COL4A6: variants seen among roughly 807,000 people sequenced by gnomAD.
COL4A6 encodes collagen type IV alpha 6 chain, also known as collagen alpha-6(IV) chain.
Under a neutral mutation model 126.7 loss-of-function variants are expected in COL4A6, and 59 were observed. That is an observed-to-expected ratio of 0.47 (90% CI 0.38 to 0.58). The LOEUF (loss-of-function observed/expected upper bound fraction) is 0.58. Among genes scored for constraint, COL4A6 ranks in the 20% least tolerant of loss-of-function variants. COL4A6 has a pLI of 0.00. For synonymous variants in COL4A6, 547 were observed against 496.6 expected (o/e 1.10, Z -1.35); for missense variants, 1,285 against 1,337.3 (o/e 0.96, Z 0.61).
chrX:108,206,776 ACAATAAGAAGTAG>A (rs1430184171), intron 8 of COL4A6, 196 bp from the exon 9 acceptor site: 2 of 529,597 alleles, frequency 3.8e-6, no homozygotes, highest in Non-Finnish European at 3.4e-6. Context: ...ATAAATGCCT[ACAATAAGAAGTAG>A]CAAACTACTG....
At chrX:108,224,388 A>T (rs780038251) in intron 3 of COL4A6, among the ~76,000 whole-genome samples, 1 of 112,240 alleles carries the variant, frequency 8.9e-6, no homozygotes, top group Non-Finnish European at 1.9e-5. Flanking sequence ...CCCTAGAGGA[A>T]CATGCACTTC....
rs142907132 is a variant in COL4A6 at position 108,176,761 on chromosome X, C to G, written c.2686+80G>C. The stretch of plus-strand genomic sequence containing the variant: ...TCCCTCCCCATTTCCCATTCCTAGG[C>G]AGAGAGGAAGGAGCAAGCTGCGCAG... On this transcript the variant is annotated intron_variant, in intron 28 of 44. Transcript: ENST00000334504. 9.2e-4 allele frequency: 940 copies of G among 1,023,952 alleles called. 4 individuals carry two copies. In the African/African-American group the frequency reaches 0.016, roughly 17 times the overall value. The allele number at this position is 1,023,952 out of a possible 1,213,427, so 84.4% of individuals were successfully genotyped here. A position where few individuals can be genotyped will look rare whatever the true frequency, so the allele number is the denominator to read the frequency against.
chrX:108,433,881 T>C (rs2064216310), intron 2 of COL4A6, among the ~76,000 whole-genome samples: 1 of 112,054 alleles, frequency 8.9e-6, no homozygotes, highest in African/African-American at 3.2e-5. Flanking sequence ...TCCCAGCTAC[T>C]CAGGAGGCTG....
In COL4A6 at chrX:108,174,516, A is replaced by G; in HGVS notation, c.3062T>C (p.Phe1021Ser). 4 of 1,210,726 alleles carry G rather than the reference A, an allele frequency of 3.3e-6. No individual in the cohort carries two copies. The highest frequency in any genetic ancestry group is 4.5e-6 in the Non-Finnish European group (4 of 894,908). The change falls in exon 31 of 45, where the codon TTC (phenylalanine) becomes TCC (serine). Residue 1021 changes from phenylalanine to serine, a missense_variant. Transcript: ENST00000334504. The part of the protein sequence containing the change: ...GVSGKPGPPG[F>S]MGIRGLPGLK... ...GCCAGGTAAGCCCCGGATTCCCATGAAGCCAGGGGGCCCTGGCTTTCCACT... is the reference window on the plus strand; with the variant it reads ...GCCAGGTAAGCCCCGGATTCCCATGGAGCCAGGGGGCCCTGGCTTTCCACT...
chrX:108,215,622 C>T (rs768536353), intron 5 of COL4A6, among the ~76,000 whole-genome samples: 10 of 111,113 alleles, frequency 9.0e-5, no homozygotes, highest in African/African-American at 1.3e-4. Context: ...CAAAGCAGGA[C>T]GAGAAAGACA....
At chrX:108,377,393 T>C (rs1368739187) in intron 2 of COL4A6, among the ~76,000 whole-genome samples, 3 of 109,909 alleles carry the variant, frequency 2.7e-5, no homozygotes, top group Non-Finnish European at 5.7e-5. Context: ...CTCTTTCTTT[T>C]TTTTTTTTAT....
intron 3 of COL4A6, chrX:108,269,142 T>C: frequency 3.0e-6 from 1 of 336,380 alleles, no homozygotes; most frequent in Non-Finnish European, 5.8e-6. Context: ...ATTCAGTAGC[T>C]GCAAGTTGTG....
intron 3 of COL4A6, among the ~76,000 whole-genome samples, chrX:108,302,322 T>C (rs1466526042): frequency 1.8e-5 from 2 of 111,700 alleles, no homozygotes; most frequent in Non-Finnish European, 3.8e-5. Context: ...TAAGGCACAA[T>C]TATATACTTA....
chrX:108,410,881 T>G (rs930518277), intron 2 of COL4A6, among the ~76,000 whole-genome samples: 9 of 111,893 alleles, frequency 8.0e-5, no homozygotes, highest in Non-Finnish European at 7.5e-5. Flanking sequence ...ATGAGTTATA[T>G]TTTTCAAAGC....
chrX:108,170,884 A>G lies in COL4A6; in HGVS notation c.3311T>C (p.Ile1104Thr). 3 of 1,211,985 alleles carry G rather than the reference A, an allele frequency of 2.5e-6. No individual in the cohort carries two copies. The highest frequency in any genetic ancestry group is 3.4e-6 in the Non-Finnish European group (3 of 895,307). Residue 1104 changes from isoleucine to threonine, a missense_variant, in exon 34 of 45, where the codon ATA (isoleucine) becomes ACA (threonine). Physicochemically the swap from Ile to Thr is moderately conservative, Grantham distance 89. Coordinates refer to ENST00000334504, the MANE Select transcript of COL4A6 (RefSeq NM_033641.4). ...TTCACCTTTGTTTCCAGGGAAGCCT[A>G]TATTGCCTATTAGTCCATCTCTTCC... is the stretch of plus-strand genomic sequence containing the variant. ...TKGRDGLIGN[I>T]GFPGNKGEDG...
At chrX:108,175,987 C>G (rs1262335793) in intron 28 of COL4A6, among the ~76,000 whole-genome samples, 190 bp from the exon 29 acceptor site, 1 of 110,669 alleles carries the variant, frequency 9.0e-6, no homozygotes, top group African/African-American at 3.3e-5. Context: ...ATTATACTAC[C>G]TTCCTGAATA....
chrX:108,381,905 A>G (rs2040564935), intron 2 of COL4A6, among the ~76,000 whole-genome samples: 1 of 109,540 alleles, frequency 9.1e-6, no homozygotes, highest in South Asian at 3.8e-4. Context: ...CAAAATAAGG[A>G]CTTTTCATTC....
intron 3 of COL4A6, among the ~76,000 whole-genome samples, chrX:108,278,503 A>T (rs771320947): frequency 2.2e-4 from 24 of 111,394 alleles, no homozygotes; most frequent in African/African-American, 6.8e-4. Flanking sequence ...GAAAAGACCA[A>T]ATCTATGTCT....
intron 3 of COL4A6, among the ~76,000 whole-genome samples, chrX:108,281,944 T>G (rs2037845859): frequency 9.1e-6 from 1 of 110,117 alleles, no homozygotes; most frequent in African/African-American, 3.3e-5. Flanking sequence ...GCTAGCCATA[T>G]GTAGAAAGCT....
At chrX:108,174,194 T>C (rs965133236) in intron 31 of COL4A6, among the ~76,000 whole-genome samples, 3 of 111,130 alleles carry the variant, frequency 2.7e-5, no homozygotes, top group Admixed American at 9.5e-5. Context: ...AGGCAGATAT[T>C]GGATAATTGT....
In COL4A6 at chrX:108,253,792, C is replaced by T. The variant is rs187034894; in HGVS notation, c.145-32418G>A. The stretch of plus-strand genomic sequence containing the variant: ...CTTTCCTAAGTGCATATGGCACTGT[C>T]TTGATTCACAAGCCTTTGGGAATTT... On this transcript the variant is annotated intron_variant, in intron 3 of 44. Coordinates refer to ENST00000334504, the MANE Select transcript of COL4A6 (RefSeq NM_033641.4). Among the ~76,000 whole-genome samples the T allele has an allele frequency of 8.9e-5, 10 of 111,930 alleles. No individual in the cohort carries two copies. In the East Asian group the frequency reaches 2.8e-3, roughly 32 times the overall value.
chrX:108,242,086 C>T (rs2036589293), intron 3 of COL4A6, among the ~76,000 whole-genome samples: 1 of 108,011 alleles, frequency 9.3e-6, no homozygotes, highest in Non-Finnish European at 1.9e-5. Context: ...GTCTCAACCT[C>T]CTGAATTGCC....
chrX:108,249,933 A>C (rs1399794495), intron 3 of COL4A6, among the ~76,000 whole-genome samples: 2 of 111,798 alleles, frequency 1.8e-5, no homozygotes, highest in Non-Finnish European at 3.8e-5. Context: ...AGTTCAAGGT[A>C]GGTTGCAGTG....
chrX:108,413,369 T>C (rs1353241997), intron 2 of COL4A6, among the ~76,000 whole-genome samples: 2 of 112,243 alleles, frequency 1.8e-5, no homozygotes, highest in African/African-American at 6.5e-5. Flanking sequence ...TTCCAGTCCA[T>C]GTGAGCTGAT....
Sources: gnomAD v4.1 joint callset for allele counts (sites outside exome capture counted in the v4.1 genomes callset) on GRCh38, gnomAD v4.1.1 for gene constraint, MANE v1.5 for transcripts, NCBI Gene and HGNC (gene_info 2026-07-23, HGNC 2026-07-21) for gene names.